The following SGMS1 variants were observed in gnomAD, a reference collection of about 807,000 sequenced individuals.
The protein encoded by SGMS1 is phosphatidylcholine:ceramide cholinephosphotransferase 1.
SGMS1 carries 13 observed loss-of-function variants against 46.2 expected under a neutral mutation model. The observed-to-expected ratio is 0.28, with a 90% CI of 0.18 to 0.45. The LOEUF is 0.45. Among genes scored for constraint, SGMS1 ranks in the 20% least tolerant of loss-of-function variants. The pLI is 1.00. For missense variants in SGMS1, 324 were observed against 519.9 expected (o/e 0.62, Z 3.66); for synonymous variants, 203 against 187.8 (o/e 1.08, Z -0.66).
intron 2 of SGMS1, among the ~76,000 whole-genome samples, chr10:50,574,963 GTATATA>G (rs143713324): frequency 1.6e-4 from 16 of 99,876 alleles, no homozygotes; most frequent in South Asian, 1.2e-3. Context: ...AAAATGTGGT[GTATATA>G]TATATATATA....
chr10:50,344,282 G>A lies in SGMS1; in HGVS notation c.-168C>T, dbSNP rs1156968123. On this transcript the variant is annotated 5_prime_UTR_variant, in exon 7 of 11. Coordinates refer to ENST00000361781, the MANE Select transcript of SGMS1 (RefSeq NM_147156.4). The stretch of plus-strand genomic sequence containing the variant: ...GGGCAGTTTTTAAACACCTCATGTA[G>A]CTGTCCAGGGTTCCTGAGCGCCCAA... 1.2e-5 allele frequency: 9 copies of A among 747,454 alleles called. No individual in the cohort carries two copies. Among genetic ancestry groups the A allele is most frequent in the African/African-American group, 1.8e-5 (1 of 57,106 alleles). The allele number at this position is 747,454 out of a possible 1,614,324, so 46.3% of individuals were successfully genotyped here.
At chr10:50,577,893 G>A (rs575561763) in intron 2 of SGMS1, among the ~76,000 whole-genome samples, 102 of 152,312 alleles carry the variant, frequency 6.7e-4, no homozygotes, top group African/African-American at 2.3e-3. Flanking sequence ...GCTTGTGAAG[G>A]GGACTTCTGT....
At chr10:50,624,895 G>A (rs921257613), upstream of SGMS1, 20 of 1,002,828 alleles carry the variant, frequency 2.0e-5, no homozygotes, top group Non-Finnish European at 2.4e-5. Context: ...GCGGGGGAAG[G>A]GGCGCGGCTA....
At position 50,328,725 on chromosome 10, in the gene SGMS1, G is replaced by A. The variant is rs148600500; in HGVS notation, c.624-1403C>T. On this transcript the variant is annotated intron_variant, in intron 7 of 10. Coordinates refer to ENST00000361781, the MANE Select transcript of SGMS1 (RefSeq NM_147156.4). Reference sequence around the variant, plus strand: ...GCTTATTTTCTCTTAGTCAAGCTGCGTATGCCTCCTCCAGAGACATGAATT... The same window carrying A: ...GCTTATTTTCTCTTAGTCAAGCTGCATATGCCTCCTCCAGAGACATGAATT... Among the ~76,000 whole-genome samples, 240 of 152,230 alleles carry A rather than the reference G, an allele frequency of 1.6e-3. 1 individual carries two copies. The highest frequency in any genetic ancestry group is 5.2e-3 in the African/African-American group (217 of 41,554).
chr10:50,351,469 T>C (rs946330870), intron 6 of SGMS1, among the ~76,000 whole-genome samples: 4 of 152,186 alleles, frequency 2.6e-5, no homozygotes, highest in Admixed American at 1.3e-4. Context: ...CAGAATGATA[T>C]GGTTTGGCTG....
chr10:50,374,294 T>G (rs2133453267), intron 6 of SGMS1, among the ~76,000 whole-genome samples: 1 of 152,288 alleles, frequency 6.6e-6, no homozygotes, highest in South Asian at 2.1e-4. Context: ...ACCAAATTCC[T>G]GCTCTTCTCC....
At chr10:50,551,643 T>C (rs1838149412) in intron 2 of SGMS1, among the ~76,000 whole-genome samples, 2 of 152,096 alleles carry the variant, frequency 1.3e-5, no homozygotes, top group South Asian at 4.1e-4. Context: ...TGTACTATCT[T>C]TGCAACTTTT....
At chr10:50,529,294 A>T (rs1160414075) in intron 2 of SGMS1, among the ~76,000 whole-genome samples, 1 of 152,168 alleles carries the variant, frequency 6.6e-6, no homozygotes, top group African/African-American at 2.4e-5. Context: ...AAATTCTAAG[A>T]CTCAACTCTG....
At chr10:50,318,838 T>C (rs1198113170) in intron 8 of SGMS1, among the ~76,000 whole-genome samples, 1 of 152,182 alleles carries the variant, frequency 6.6e-6, no homozygotes, top group Non-Finnish European at 1.5e-5. Context: ...TCAATTCCTA[T>C]ACTAGGCAGA....
At chr10:50,320,768 C>T (rs1015162886) in intron 8 of SGMS1, among the ~76,000 whole-genome samples, 19 of 152,222 alleles carry the variant, frequency 1.2e-4, no homozygotes, top group African/African-American at 4.1e-4. Context: ...CTTCCTCCCT[C>T]TATCTCCACT....
At chr10:50,454,050 C>CAAAAAAAA (rs71846628) in intron 5 of SGMS1, among the ~76,000 whole-genome samples, 57 of 97,934 alleles carry the variant, frequency 5.8e-4, no homozygotes, top group Admixed American at 1.1e-3. Flanking sequence ...TTTACATAGG[C>CAAAAAAAA]AAAAAAAAAA....
At chr10:50,558,556 C>G (rs1434447576) in intron 2 of SGMS1, among the ~76,000 whole-genome samples, 1 of 152,130 alleles carries the variant, frequency 6.6e-6, no homozygotes, top group African/African-American at 2.4e-5. Context: ...TGTTCAACGA[C>G]ATGAAATTCC....
At chr10:50,523,731 A>G in intron 2 of SGMS1, among the ~76,000 whole-genome samples, 1 of 152,360 alleles carries the variant, frequency 6.6e-6, no homozygotes, top group African/African-American at 2.4e-5. Flanking sequence ...TAGAAAATAA[A>G]CAGTCAAAAA....
intron 6 of SGMS1, among the ~76,000 whole-genome samples, chr10:50,385,184 T>C (rs1848665468): frequency 6.6e-6 from 1 of 152,212 alleles, no homozygotes; most frequent in Non-Finnish European, 1.5e-5. Flanking sequence ...ACTCTGATCA[T>C]ATCAAAGAAC....
At chr10:50,570,588 A>G (rs932486493) in intron 2 of SGMS1, among the ~76,000 whole-genome samples, 2 of 152,178 alleles carry the variant, frequency 1.3e-5, no homozygotes, top group South Asian at 2.1e-4. Context: ...ATGGTGCCCT[A>G]TTAAGGTCCT....
chr10:50,459,407 A>G (rs12571095), intron 5 of SGMS1, among the ~76,000 whole-genome samples: 12,209 of 152,226 alleles, frequency 0.08, 1,183 homozygotes, highest in East Asian at 0.38. Flanking sequence ...CCACAAGAAT[A>G]AGAATTTTTT....
intron 6 of SGMS1, among the ~76,000 whole-genome samples, chr10:50,424,451 C>T (rs955435177): frequency 2.6e-5 from 4 of 152,128 alleles, no homozygotes; most frequent in Admixed American, 2.0e-4. Flanking sequence ...ATTAAAATAC[C>T]TGTCTAAAGT....
At chr10:50,601,319 A>T (rs558318307) in intron 1 of SGMS1, among the ~76,000 whole-genome samples, 5 of 152,370 alleles carry the variant, frequency 3.3e-5, no homozygotes, top group African/African-American at 1.2e-4. Flanking sequence ...TTGGCAGGCA[A>T]GACAATTTCA....
chr10:50,335,686 G>C (rs1390405983), intron 7 of SGMS1: 1 of 152,216 alleles, frequency 6.6e-6, no homozygotes, highest in Middle Eastern at 3.2e-3. Flanking sequence ...GGTTTGTTGA[G>C]AGGAGGGAAA....
Sources: allele counts gnomAD v4.1 joint callset (sites outside exome capture counted in the v4.1 genomes callset), GRCh38; gene constraint gnomAD v4.1.1; transcripts MANE v1.5; gene names NCBI Gene and HGNC (gene_info 2026-07-23, HGNC 2026-07-21).